Variants in TTC29 observed in about 807,000 individuals in gnomAD.
TTC29 encodes tetratricopeptide repeat domain 29.
In TTC29, 49 loss-of-function variants were observed where a neutral mutation model predicts 58.1. The ratio of observed to expected loss-of-function variants is 0.84; its 90% CI spans 0.67 to 1.07. TTC29 has a LOEUF of 1.07. TTC29 is among the 50% of genes least tolerant of loss of function. The probability of loss-of-function intolerance (pLI) is 0.00; values close to 1 mark genes in which losing one functional copy is unlikely to be tolerated. For synonymous variants in TTC29, 209 were observed against 196.8 expected (o/e 1.06, Z -0.52); for missense variants, 582 against 555.6 (o/e 1.05, Z -0.48).
chr4:146,762,896 C>T (rs1448258106), intron 11 of TTC29, among the ~76,000 whole-genome samples: 1 of 151,930 alleles, frequency 6.6e-6, no homozygotes, highest in Non-Finnish European at 1.5e-5. Flanking sequence ...ACAACCCAAA[C>T]AAAGCTTTGT....
At chr4:146,804,529 G>C (rs1428377514) in intron 10 of TTC29, among the ~76,000 whole-genome samples, 1 of 152,148 alleles carries the variant, frequency 6.6e-6, no homozygotes, top group Non-Finnish European at 1.5e-5. Context: ...GTCAACCTGG[G>C]ATGCTCGAAG....
At chr4:146,786,223 A>T (rs564534320) in intron 11 of TTC29, among the ~76,000 whole-genome samples, 1 of 152,338 alleles carries the variant, frequency 6.6e-6, no homozygotes, top group East Asian at 1.9e-4. Flanking sequence ...CACCATCTTT[A>T]GAGGTCGCCT....
intron 11 of TTC29, among the ~76,000 whole-genome samples, chr4:146,787,367 G>C (rs868703518): frequency 6.6e-6 from 1 of 152,046 alleles, no homozygotes. Flanking sequence ...TATTTTCCAT[G>C]TTTCTTCTTA....
intron 8 of TTC29, among the ~76,000 whole-genome samples, chr4:146,840,518 G>A (rs538007369): frequency 2.6e-4 from 40 of 152,194 alleles, no homozygotes; most frequent in East Asian, 5.8e-4. Flanking sequence ...CTGTAAGTCT[G>A]TATAAAGGGC....
At chr4:146,918,927 G>T (rs1195065975) in intron 4 of TTC29, among the ~76,000 whole-genome samples, 3 of 150,940 alleles carry the variant, frequency 2.0e-5, no homozygotes, top group Non-Finnish European at 4.5e-5. Context: ...GTTTGTTTTA[G>T]AAACATTTGT....
chr4:146,707,945 A>G (rs1742100740), intron 11 of TTC29, among the ~76,000 whole-genome samples: 2 of 152,038 alleles, frequency 1.3e-5, no homozygotes, highest in South Asian at 2.1e-4. Context: ...AAGTCACCAT[A>G]TAAGTCCTCA....
chr4:146,932,533 C>T (rs1199430780), intron 4 of TTC29, among the ~76,000 whole-genome samples: 2 of 152,122 alleles, frequency 1.3e-5, no homozygotes, highest in Non-Finnish European at 2.9e-5. Context: ...AAATAAATGG[C>T]TTCATCTTGC....
intron 10 of TTC29, among the ~76,000 whole-genome samples, chr4:146,818,697 A>G (rs1319085365): frequency 1.3e-5 from 2 of 152,218 alleles, no homozygotes; most frequent in African/African-American, 2.4e-5. Flanking sequence ...ATGTCCAACA[A>G]TGATAGACTG....
intron 11 of TTC29, among the ~76,000 whole-genome samples, chr4:146,716,446 G>C (rs1486083963): frequency 1.3e-5 from 2 of 152,026 alleles, no homozygotes; most frequent in East Asian, 3.9e-4. Context: ...AGGTATGATT[G>C]ACATAATAAA....
chr4:146,737,850 C>A (rs1012726072), intron 11 of TTC29, among the ~76,000 whole-genome samples: 21 of 152,140 alleles, frequency 1.4e-4, no homozygotes, highest in Non-Finnish European at 2.8e-4. Context: ...TTCCCTCCCC[C>A]CTGATGCAGT....
chr4:146,757,464 G>A lies in TTC29; in HGVS notation c.1330+45993C>T, dbSNP rs140488429. 7.8e-4 allele frequency among the ~76,000 whole-genome samples: 119 copies of A among 152,284 alleles called. 1 individual carries two copies. The East Asian group carries it at 0.021, about 27-fold the overall frequency. On this transcript the variant is annotated intron_variant, in intron 11 of 12. Transcript: ENST00000325106. ...GACATCCAAATACAAGAAGCACAAAGAACACCTGGGAAATTCATGGCAAAA... is the reference window on the plus strand; with the variant it reads ...GACATCCAAATACAAGAAGCACAAAAAACACCTGGGAAATTCATGGCAAAA...
At chr4:146,915,191 C>T (rs995887800) in intron 4 of TTC29, among the ~76,000 whole-genome samples, 1 of 152,138 alleles carries the variant, frequency 6.6e-6, no homozygotes, top group Non-Finnish European at 1.5e-5. Context: ...CCTCTGGTTG[C>T]AAATTCTGAA....
At chr4:146,803,430 A>G in intron 11 of TTC29, 27 bp downstream of exon 11, 1 of 1,435,718 alleles carries the variant, frequency 7.0e-7, no homozygotes, top group South Asian at 1.3e-5. Flanking sequence ...TATGAAAACT[A>G]AAGTGTTCTA....
intron 10 of TTC29, 69 bp from the exon 11 acceptor site, chr4:146,803,754 T>C: frequency 1.6e-6 from 2 of 1,289,600 alleles, no homozygotes; most frequent in South Asian, 1.5e-5. Context: ...TTTCTGACCT[T>C]ACCCTGGCAT....
chr4:146,777,235 C>T (rs2150081920), intron 11 of TTC29, among the ~76,000 whole-genome samples: 1 of 152,248 alleles, frequency 6.6e-6, no homozygotes, highest in Middle Eastern at 3.4e-3. Context: ...TGCTTTTGCA[C>T]CAACCTAATA....
At chr4:146,927,867 G>A (rs1735043831) in intron 4 of TTC29, among the ~76,000 whole-genome samples, 2 of 152,114 alleles carry the variant, frequency 1.3e-5, no homozygotes, top group Admixed American at 6.6e-5. Context: ...AAGATCATGG[G>A]TTCTCATTCC....
chr4:146,726,640 A>C (rs892901506), intron 11 of TTC29, among the ~76,000 whole-genome samples: 18 of 152,284 alleles, frequency 1.2e-4, no homozygotes, highest in African/African-American at 4.1e-4. Context: ...TATTTGGAAC[A>C]ATGTTAAGGG....
chr4:146,718,137 T>C (rs769981929), intron 11 of TTC29, among the ~76,000 whole-genome samples: 6 of 152,214 alleles, frequency 3.9e-5, no homozygotes, highest in Non-Finnish European at 8.8e-5. Context: ...CATTGGTTTA[T>C]GGACACTTCC....
chr4:146,821,268 TTAGA>T (rs973616977), intron 9 of TTC29, among the ~76,000 whole-genome samples: 13 of 152,254 alleles, frequency 8.5e-5, no homozygotes, highest in Non-Finnish European at 1.3e-4. Context: ...GTGATTGAAA[TTAGA>T]TAGCGGCCAT....
Sources: gnomAD v4.1 joint callset for allele counts (sites outside exome capture counted in the v4.1 genomes callset) on GRCh38, gnomAD v4.1.1 for gene constraint, MANE v1.5 for transcripts, NCBI Gene and HGNC (gene_info 2026-07-23, HGNC 2026-07-21) for gene names.